The following ERAP1 variants were observed in gnomAD, a reference collection of about 807,000 sequenced individuals.
The protein encoded by ERAP1 is endoplasmic reticulum aminopeptidase 1.
In ERAP1, 86 loss-of-function variants were observed where a neutral mutation model predicts 103.7. The observed-to-expected ratio is 0.83, with a 90% CI of 0.70 to 0.99. The LOEUF (loss-of-function observed/expected upper bound fraction) is 0.99. ERAP1 is among the 50% of genes least tolerant of loss of function. The probability of loss-of-function intolerance (pLI) is 0.00; values close to 1 mark genes in which losing one functional copy is unlikely to be tolerated. For synonymous variants in ERAP1, 398 were observed against 402.4 expected (o/e 0.99, Z 0.13); for missense variants, 1,009 against 1,128.4 (o/e 0.89, Z 1.52).
chr5:96,935,848 C>G, the ERAP1 span: 2 of 377,686 alleles, frequency 5.3e-6, no homozygotes, highest in Non-Finnish European at 9.6e-6. Flanking sequence ...GCGCCGCAGC[C>G]GGGTCCACTT....
rs1259497612 is a variant in ERAP1 at position 96,795,057 on chromosome 5, G to T, written c.904C>A (p.Pro302Thr). 3 of 1,613,976 alleles carry T rather than the reference G, an allele frequency of 1.9e-6. No individual in the cohort carries two copies. Among genetic ancestry groups the T allele is most frequent in the Non-Finnish European group, 2.5e-6 (3 of 1,179,962 alleles). The change falls in exon 5 of 19, where the codon CCC becomes ACC. Residue 302 changes from proline to threonine, a missense_variant. Pro to Thr is a conservative substitution (Grantham distance 38). This residue lies in a region of ERAP1 where 392 missense variants were observed against 455.2 expected (regional missense o/e 0.86). Transcript: ENST00000443439. ...FYEDYFSIPYPLPKQDLAAIP... is the reference protein window; with the variant it reads ...FYEDYFSIPYTLPKQDLAAIP... ...AAATCTCTACCTTGTTTGGGTAGGG[G>T]ATACGGTATGCTGAAATAATCCTCA... is the stretch of plus-strand genomic sequence containing the variant.
the ERAP1 span, among the ~76,000 whole-genome samples, chr5:96,849,705 T>C: frequency 6.6e-6 from 1 of 152,184 alleles, no homozygotes; most frequent in African/African-American, 2.4e-5. Flanking sequence ...ACAGATTCAA[T>C]GTAATCCCTA....
At chr5:96,893,335 AT>A in the ERAP1 span, among the ~76,000 whole-genome samples, 2 of 152,200 alleles carry the variant, frequency 1.3e-5, no homozygotes, top group Non-Finnish European at 2.9e-5. Context: ...TATTTAAAAC[AT>A]TTTAACTTTA....
the ERAP1 span, among the ~76,000 whole-genome samples, chr5:96,823,330 G>A: frequency 7.4e-6 from 1 of 134,780 alleles, no homozygotes; most frequent in Non-Finnish European, 1.8e-5. Flanking sequence ...TTGGTAGCCT[G>A]TCTATCACAG....
chr5:96,872,298 T>G, the ERAP1 span, among the ~76,000 whole-genome samples: 2 of 148,476 alleles, frequency 1.3e-5, no homozygotes, highest in African/African-American at 5.0e-5. Flanking sequence ...ATCACATCAC[T>G]GTACTGCAGC....
At chr5:96,913,565 T>G in the ERAP1 span, 1 of 1,299,170 alleles carries the variant, frequency 7.7e-7, no homozygotes, top group Non-Finnish European at 1.1e-6. Flanking sequence ...ATACCATTTG[T>G]ATCCAAATAG....
At chr5:96,798,105 C>T (rs1251512117) in intron 3 of ERAP1, among the ~76,000 whole-genome samples, 1 of 152,050 alleles carries the variant, frequency 6.6e-6, no homozygotes, top group African/African-American at 2.4e-5. Context: ...GCGGGTGGAT[C>T]ACAAGGTAAG....
chr5:96,822,545 C>A, the ERAP1 span, among the ~76,000 whole-genome samples: 1 of 152,128 alleles, frequency 6.6e-6, no homozygotes, highest in Non-Finnish European at 1.5e-5. Flanking sequence ...TTTTATGTGT[C>A]AACTTGACTG....
chr5:96,902,477 A>G, the ERAP1 span: 1 of 626,900 alleles, frequency 1.6e-6, no homozygotes, highest in East Asian at 2.8e-5. Flanking sequence ...GGAAGTTGTC[A>G]TTTATCCATA....
At chr5:96,930,793 T>C in the ERAP1 span, among the ~76,000 whole-genome samples, 1 of 152,202 alleles carries the variant, frequency 6.6e-6, no homozygotes, top group African/African-American at 2.4e-5. Context: ...GGGCTGTCAA[T>C]GCAATAGAGA....
At chr5:96,788,922 C>A (rs1270535664) in intron 10 of ERAP1, among the ~76,000 whole-genome samples, 3 of 152,170 alleles carry the variant, frequency 2.0e-5, no homozygotes, top group Non-Finnish European at 4.4e-5. Flanking sequence ...AGGTAGCATA[C>A]CTAGTTCTGC....
chr5:96,887,637 AAAG>A, the ERAP1 span, among the ~76,000 whole-genome samples: 2 of 152,154 alleles, frequency 1.3e-5, no homozygotes, highest in Admixed American at 1.3e-4. Context: ...TCCCTCAATG[AAAG>A]AAGATCTTTA....
rs759083946 is a variant in ERAP1 at position 96,776,008 on chromosome 5, A to ATTGT, written c.*384_*387dup. 507 of 1,093,856 alleles carry ATTGT rather than the reference A, an allele frequency of 4.6e-4. 1 individual carries two copies. Among genetic ancestry groups the ATTGT allele is most frequent in the Middle Eastern group, 2.1e-3 (7 of 3,338 alleles). The allele number at this position is 1,093,856 out of a possible 1,614,324, so 67.8% of individuals were successfully genotyped here. A position where few individuals can be genotyped will look rare whatever the true frequency, so the allele number is the denominator to read the frequency against. ...GGCTTAGTCTCAGATCCAGGTGTTC[A>ATTGT]TTGTTCAGTAGTCGACTATTCAGAG... On this transcript the variant is annotated 3_prime_UTR_variant, in exon 19 of 19. Transcript: ENST00000443439.
chr5:96,854,867 A>G, the ERAP1 span, among the ~76,000 whole-genome samples: 1 of 152,330 alleles, frequency 6.6e-6, no homozygotes. Context: ...ATCCAAGGGT[A>G]GCCTTTTTAA....
chr5:96,762,740 A>T, exon 20 of ERAP1: 1 of 250,890 alleles, frequency 4.0e-6, no homozygotes, highest in East Asian at 8.3e-5. Context: ...TATACATTCT[A>T]TAATTTACTA....
At chr5:96,923,930 C>T in the ERAP1 span, among the ~76,000 whole-genome samples, 4 of 152,018 alleles carry the variant, frequency 2.6e-5, no homozygotes, top group East Asian at 1.9e-4. Context: ...AGTTGGGAGA[C>T]GGGCTTGGGG....
the ERAP1 span, chr5:96,912,690 C>A: frequency 8.1e-6 from 13 of 1,610,100 alleles, no homozygotes; most frequent in African/African-American, 1.3e-5. Flanking sequence ...CAGACAACAG[C>A]AGGATGGAAT....
chr5:96,823,775 T>C, the ERAP1 span, among the ~76,000 whole-genome samples: 5 of 152,216 alleles, frequency 3.3e-5, no homozygotes, highest in Admixed American at 2.6e-4. Flanking sequence ...AACCTCAACA[T>C]ACAATTTTTT....
chr5:96,923,475 A>G, the ERAP1 span, among the ~76,000 whole-genome samples: 1 of 152,132 alleles, frequency 6.6e-6, no homozygotes, highest in African/African-American at 2.4e-5. Context: ...CGGGCAGATC[A>G]TGAGGTCAGG....
Sources: allele counts gnomAD v4.1 joint callset (sites outside exome capture counted in the v4.1 genomes callset), GRCh38; gene constraint gnomAD v4.1.1; regional missense constraint gnomAD v4.1.1; transcripts MANE v1.5; gene names NCBI Gene and HGNC (gene_info 2026-07-23, HGNC 2026-07-21).